The following GRIN2A variants were observed in gnomAD, a reference collection of about 807,000 sequenced individuals.
The protein encoded by GRIN2A is glutamate ionotropic receptor NMDA type subunit 2A, also known as glutamate receptor ionotropic, NMDA 2A.
In GRIN2A, 22 loss-of-function variants were observed where a neutral mutation model predicts 113.4. That is an observed-to-expected ratio of 0.19 (90% CI 0.14 to 0.28). The LOEUF (loss-of-function observed/expected upper bound fraction) is 0.28, where lower values mean the gene tolerates loss of function less well. Ranked by LOEUF, GRIN2A falls within the 10% of genes least tolerant of loss-of-function variation. The pLI is 1.00. For missense variants in GRIN2A, 1,502 were observed against 1,887.0 expected, an observed-to-expected ratio of 0.80 and a Z score of 3.78; for synonymous variants, 827 against 738.4, an observed-to-expected ratio of 1.12 and a Z score of -1.94.
At chr16:9,796,027 G>T (rs924062584) in intron 11 of GRIN2A, among the ~76,000 whole-genome samples, 4 of 152,126 alleles carry the variant, frequency 2.6e-5, no homozygotes, top group African/African-American at 9.7e-5. Context: ...TGTAAAGTGG[G>T]AATAAGCAAC....
At chr16:9,787,800 G>T (rs1006188801) in intron 11 of GRIN2A, among the ~76,000 whole-genome samples, 1 of 152,204 alleles carries the variant, frequency 6.6e-6, no homozygotes, top group Non-Finnish European at 1.5e-5. Context: ...GAGGTTTTCA[G>T]ATGCTCTGCA....
chr16:9,842,945 GAA>G (rs1488972671), intron 5 of GRIN2A, among the ~76,000 whole-genome samples: 2 of 124,444 alleles, frequency 1.6e-5, no homozygotes, highest in Admixed American at 8.1e-5. Flanking sequence ...AAGAGAGAAA[GAA>G]AGAAAGAGAG....
chr16:9,817,340 TCA>T (rs1416611202), intron 10 of GRIN2A, among the ~76,000 whole-genome samples: 3 of 152,124 alleles, frequency 2.0e-5, no homozygotes, highest in African/African-American at 7.2e-5. Flanking sequence ...TAATAAAGAT[TCA>T]CAGGCTCCAT....
At chr16:9,892,763 G>C (rs2043720225) in intron 3 of GRIN2A, among the ~76,000 whole-genome samples, 1 of 152,038 alleles carries the variant, frequency 6.6e-6, no homozygotes, top group South Asian at 2.1e-4. Context: ...TCTCCTTGCA[G>C]CTTGAGAAAA....
rs930977712 is a variant in GRIN2A at position 9,902,283 on chromosome 16, G to A, written c.1008-11183C>T. Among the ~76,000 whole-genome samples, 64 of 152,290 alleles carry A rather than the reference G, an allele frequency of 4.2e-4. 1 individual carries two copies. The highest frequency in any genetic ancestry group is 1.0e-3 in the Admixed American group (16 of 15,290). ...ATATGCATAACTTATAGGAAGTACTGTAAAAGAAGGAGGTGAGCCCGTCTT... is the reference window on the plus strand; with the variant it reads ...ATATGCATAACTTATAGGAAGTACTATAAAAGAAGGAGGTGAGCCCGTCTT... On this transcript the variant is annotated intron_variant, in intron 3 of 12. Transcript: ENST00000330684.
intron 2 of GRIN2A, among the ~76,000 whole-genome samples, chr16:10,020,728 A>C (rs1344224200): frequency 6.6e-6 from 1 of 152,202 alleles, no homozygotes; most frequent in Non-Finnish European, 1.5e-5. Context: ...AAGTAAGTAC[A>C]TATAAAGCAC....
At position 10,180,448 on chromosome 16, in the gene GRIN2A, G is replaced by C. The variant is rs1181260387; in HGVS notation, c.-18-19C>G. 4 of 1,594,226 alleles carry C rather than the reference G, an allele frequency of 2.5e-6. No homozygotes were observed. Among genetic ancestry groups the C allele is most frequent in the Non-Finnish European group, 3.4e-6 (4 of 1,176,044 alleles). ...ACGGTCCCTGCAAGGTGAAGAGTGAGAGGCAGGGCCGCGGTGAGCAAGGCG... is the reference window on the plus strand; with the variant it reads ...ACGGTCCCTGCAAGGTGAAGAGTGACAGGCAGGGCCGCGGTGAGCAAGGCG... On this transcript the variant is annotated intron_variant, in intron 1 of 12. Coordinates refer to ENST00000330684, the MANE Select transcript of GRIN2A (RefSeq NM_001134407.3). This position sits in a 1 kb window ranked among gnomAD's most constrained non-coding sequence, Gnocchi z 7.0.
intron 2 of GRIN2A, chr16:9,970,861 T>C (rs1024155237): frequency 5.1e-6 from 1 of 197,528 alleles, no homozygotes; most frequent in Non-Finnish European, 9.1e-6. Flanking sequence ...GATTTTATGA[T>C]TTCAGAACAA....
chr16:10,154,164 C>A (rs1372989941), intron 2 of GRIN2A, among the ~76,000 whole-genome samples: 2 of 152,172 alleles, frequency 1.3e-5, no homozygotes, highest in Non-Finnish European at 2.9e-5. Flanking sequence ...CACCACATCC[C>A]CCTCCCCACC....
intron 2 of GRIN2A, among the ~76,000 whole-genome samples, chr16:10,050,547 T>C (rs550349487): frequency 5.2e-4 from 79 of 151,990 alleles, no homozygotes; most frequent in African/African-American, 1.8e-3. Context: ...CCTGTTGATC[T>C]ATCACTACCT....
chr16:9,764,711 C>T lies in GRIN2A; in HGVS notation c.2833G>A (p.Asp945Asn), dbSNP rs1305013569. The change falls in exon 13 of 13, where the codon GAC (aspartate) becomes AAC (asparagine). Residue 945 changes from aspartate (D) to asparagine (N), a missense_variant. Physicochemically the swap from Asp to Asn is conservative, Grantham distance 23. Around this residue, in one of 7 missense-constraint regions of GRIN2A, gnomAD observed 832 missense variants for 789.7 expected, o/e 1.05. Transcript: ENST00000330684. Reference sequence around the variant, plus strand: ...TCTTTCCCCTGAAAGGACCTGTTGTCTGAGTACATCAAATTCCCCTTATCT... The same window carrying T: ...TCTTTCCCCTGAAAGGACCTGTTGTTTGAGTACATCAAATTCCCCTTATCT... Reference protein sequence around the residue: ...VSDKGNLMYSDNRSFQGKESI... With the variant: ...VSDKGNLMYSNNRSFQGKESI... 6 of 1,614,098 alleles carry T rather than the reference C, an allele frequency of 3.7e-6. No homozygotes were observed. Among genetic ancestry groups the T allele is most frequent in the Non-Finnish European group, 4.2e-6 (5 of 1,180,042 alleles).
chr16:10,032,016 C>T (rs2046938591), intron 2 of GRIN2A, among the ~76,000 whole-genome samples: 1 of 152,238 alleles, frequency 6.6e-6, no homozygotes. Context: ...CTTCTCTGAC[C>T]TTCCTGGGTG....
chr16:10,078,115 A>G (rs1000334053), intron 2 of GRIN2A, among the ~76,000 whole-genome samples: 1 of 152,232 alleles, frequency 6.6e-6, no homozygotes, highest in Non-Finnish European at 1.5e-5. Flanking sequence ...GGTTTATTGC[A>G]TGTCAATGCC....
chr16:10,006,174 A>T (rs922852237), intron 2 of GRIN2A, among the ~76,000 whole-genome samples: 12 of 152,254 alleles, frequency 7.9e-5, no homozygotes, highest in African/African-American at 2.9e-4. Context: ...CTGCAGTCGT[A>T]GAAGTCACCA....
At position 9,841,008 on chromosome 16, in the gene GRIN2A, G is replaced by A. The variant is rs774228933; in HGVS notation, c.1425C>T (p.Tyr475=). Residue 475 remains tyrosine (Y), a synonymous_variant, in exon 6 of 13, where the codon TAC becomes TAT. Transcript: ENST00000330684. ...TCCCATTGGTCACCAGATAGAGGTCGTAAGTAAACTTCACAGTTCTGGAAA... is the reference window on the plus strand; with the variant it reads ...TCCCATTGGTCACCAGATAGAGGTCATAAGTAAACTTCACAGTTCTGGAAA... ...KKLSRTVKFT[Y]DLYLVTNGKH... 18 of 1,613,046 alleles carry A rather than the reference G, an allele frequency of 1.1e-5. No individual in the cohort carries two copies. The highest frequency in any genetic ancestry group is 1.6e-4 in the Middle Eastern group (1 of 6,084).
intron 11 of GRIN2A, among the ~76,000 whole-genome samples, chr16:9,773,627 T>C (rs1051496525): frequency 2.0e-5 from 3 of 152,186 alleles, no homozygotes; most frequent in Admixed American, 6.5e-5. Flanking sequence ...CGGAGAGGAC[T>C]GGTCCCCATG....
At chr16:9,985,718 G>C (rs2045967386) in intron 2 of GRIN2A, among the ~76,000 whole-genome samples, 1 of 152,098 alleles carries the variant, frequency 6.6e-6, no homozygotes. Context: ...TTGGGGGATG[G>C]TATGAGGTAG....
chr16:9,973,179 G>T (rs960637048), intron 2 of GRIN2A, among the ~76,000 whole-genome samples: 1 of 152,150 alleles, frequency 6.6e-6, no homozygotes, highest in African/African-American at 2.4e-5. Flanking sequence ...GCAATTTGGG[G>T]AGGTTTAGAG....
intron 3 of GRIN2A, among the ~76,000 whole-genome samples, chr16:9,900,112 G>T (rs1323533502): frequency 6.6e-6 from 1 of 152,158 alleles, no homozygotes; most frequent in East Asian, 1.9e-4. Context: ...CTATGGTAGG[G>T]GTAGCAGTAG....
Sources: gnomAD v4.1 joint callset for allele counts (sites outside exome capture counted in the v4.1 genomes callset) on GRCh38, gnomAD v4.1.1 for gene constraint, gnomAD v4.1.1 regional missense constraint, Gnocchi (gnomAD v3.1) non-coding constraint, MANE v1.5 for transcripts, NCBI Gene and HGNC (gene_info 2026-07-23, HGNC 2026-07-21) for gene names.